BMPR1A: variants seen among roughly 807,000 people sequenced by gnomAD.
The protein encoded by BMPR1A is bone morphogenetic protein receptor type 1A, also known as bone morphogenetic protein receptor type-1A.
Under a neutral mutation model 66.0 loss-of-function variants are expected in BMPR1A, and 7 were observed. The observed-to-expected ratio is 0.11, with a 90% CI of 0.06 to 0.20. BMPR1A has a LOEUF of 0.20. BMPR1A is among the 10% of genes least tolerant of loss of function. The pLI, the probability that BMPR1A is intolerant of heterozygous loss-of-function variation, is 1.00. For synonymous variants in BMPR1A, 200 were observed against 229.7 expected (o/e 0.87, Z 1.17); for missense variants, 408 against 669.1 (o/e 0.61, Z 4.31).
chr10:86,799,469 T>TTCCTTCCTTCCTTCCTTCCTTCCTTC (rs1841775518), intron 1 of BMPR1A, among the ~76,000 whole-genome samples: 16 of 121,000 alleles, frequency 1.3e-4, no homozygotes, highest in African/African-American at 4.7e-4. Context: ...TTCCTTCCTT[T>TTCCTTCCTTCCTTCCTTCCTTCCTTC]CTTCCTTCCT....
intron 2 of BMPR1A, among the ~76,000 whole-genome samples, chr10:86,871,229 A>G (rs758596745): frequency 2.6e-5 from 4 of 152,156 alleles, no homozygotes; most frequent in African/African-American, 4.8e-5. Flanking sequence ...CACTGCCCCT[A>G]TTCCTTCAGG....
In BMPR1A at chr10:86,917,304, A is replaced by G. The variant is rs1843588559; in HGVS notation, c.846A>G (p.Leu282=). 1.2e-6 allele frequency: 2 copies of G among 1,614,152 alleles called. No individual in the cohort carries two copies. Among genetic ancestry groups the G allele is most frequent in the Admixed American group, 3.3e-5 (2 of 60,002 alleles). The change falls in exon 9 of 13, where the codon CTA becomes CTG. Residue 282 remains leucine, a synonymous_variant. Transcript: ENST00000372037. ...FRETEIYQTV[L]MRHENILGFI... ...AAACAGAAATCTACCAAACTGTGCT[A>G]ATGCGCCATGAAAACATACTTGGTG...
intron 1 of BMPR1A, among the ~76,000 whole-genome samples, chr10:86,807,686 A>G (rs1301511276): frequency 6.6e-6 from 1 of 152,136 alleles, no homozygotes; most frequent in African/African-American, 2.4e-5. Flanking sequence ...CCCAGTCCCC[A>G]TCTTTCTTAT....
intron 7 of BMPR1A, among the ~76,000 whole-genome samples, chr10:86,901,655 A>G (rs1240159254): frequency 6.6e-6 from 1 of 152,178 alleles, no homozygotes; most frequent in Non-Finnish European, 1.5e-5. Context: ...AAAACTCTTT[A>G]TTGCTGTTTT....
intron 1 of BMPR1A, among the ~76,000 whole-genome samples, chr10:86,803,497 A>G (rs1240084602): frequency 6.6e-6 from 1 of 152,114 alleles, no homozygotes; most frequent in Non-Finnish European, 1.5e-5. Flanking sequence ...ATAGTTTTAC[A>G]TTTTATATTT....
At chr10:86,784,288 T>C (rs575685944) in intron 1 of BMPR1A, among the ~76,000 whole-genome samples, 1 of 152,240 alleles carries the variant, frequency 6.6e-6, no homozygotes, top group African/African-American at 2.4e-5. Context: ...CCTTCCTAGT[T>C]TGTTGAGTGT....
chr10:86,822,698 G>A (rs552857445), intron 1 of BMPR1A, among the ~76,000 whole-genome samples: 7 of 151,866 alleles, frequency 4.6e-5, no homozygotes, highest in Admixed American at 2.0e-4. Flanking sequence ...GTGCAGTGGC[G>A]CGATCTCGGC....
intron 1 of BMPR1A, among the ~76,000 whole-genome samples, chr10:86,785,152 T>C (rs1300043893): frequency 6.6e-6 from 1 of 152,262 alleles, no homozygotes; most frequent in East Asian, 1.9e-4. Context: ...GCTTTTGATT[T>C]CCCATTGTGG....
intron 1 of BMPR1A, among the ~76,000 whole-genome samples, chr10:86,797,723 T>A (rs753076632): frequency 6.6e-6 from 1 of 152,152 alleles, no homozygotes; most frequent in Non-Finnish European, 1.5e-5. Context: ...CATCGAGGGC[T>A]TTTCTTCTGT....
At chr10:86,761,789 C>G (rs986453074) in intron 1 of BMPR1A, among the ~76,000 whole-genome samples, 7 of 152,210 alleles carry the variant, frequency 4.6e-5, no homozygotes, top group Middle Eastern at 3.4e-3. Context: ...AAGAACAACT[C>G]CTGGATTTCT....
chr10:86,829,141 T>G (rs1047819614), intron 1 of BMPR1A, among the ~76,000 whole-genome samples: 1 of 152,106 alleles, frequency 6.6e-6, no homozygotes, highest in African/African-American at 2.4e-5. Context: ...GTTTTGTTTC[T>G]AGGAAACTAG....
intron 1 of BMPR1A, among the ~76,000 whole-genome samples, chr10:86,796,152 C>T (rs961078450): frequency 3.3e-5 from 5 of 151,802 alleles, no homozygotes; most frequent in Non-Finnish European, 4.4e-5. Context: ...TGTTTTATGT[C>T]GTATTTTTTT....
intron 2 of BMPR1A, among the ~76,000 whole-genome samples, chr10:86,846,708 C>CCA (rs1386749879): frequency 1.3e-5 from 2 of 151,058 alleles, no homozygotes; most frequent in African/African-American, 4.9e-5. Context: ...CCCCCGCCGC[C>CCA]CACACACACA....
At chr10:86,789,322 C>T (rs1430188413) in intron 1 of BMPR1A, among the ~76,000 whole-genome samples, 1 of 152,098 alleles carries the variant, frequency 6.6e-6, no homozygotes, top group Non-Finnish European at 1.5e-5. Flanking sequence ...AACCTGTGTG[C>T]ATAAAAGGAC....
chr10:86,875,445 ATTAT>A (rs1289926181), intron 2 of BMPR1A, among the ~76,000 whole-genome samples: 2 of 152,224 alleles, frequency 1.3e-5, no homozygotes, highest in African/African-American at 4.8e-5. Flanking sequence ...TATAGAATAA[ATTAT>A]TTATTAGAAA....
chr10:86,884,394 A>ATTTTTTTTTTTTTTTT lies in BMPR1A; in HGVS notation c.68-5646_68-5631dup, dbSNP rs759424209. Among the ~76,000 whole-genome samples, 9 of 49,348 alleles carry ATTTTTTTTTTTTTTTT rather than the reference A, an allele frequency of 1.8e-4. 4 individuals carry two copies. Among genetic ancestry groups the ATTTTTTTTTTTTTTTT allele is most frequent in the Non-Finnish European group, 3.6e-4 (8 of 22,330 alleles). The allele number at this position is 49,348 out of a possible 152,430, so 32.4% of individuals were successfully genotyped here. On this transcript the variant is annotated intron_variant, in intron 3 of 12. Transcript: ENST00000372037. ...AGCCACCATGCCTGGCAAACACATGATTTTTTTTTTTTTTTTTTTTTTTTT... is the reference window on the plus strand; with the variant it reads ...AGCCACCATGCCTGGCAAACACATGATTTTTTTTTTTTTTTTTTTTTTTTTTTTTTTTTTTTTTTTT...
intron 3 of BMPR1A, among the ~76,000 whole-genome samples, chr10:86,887,998 T>C (rs934258327): frequency 6.6e-5 from 10 of 152,170 alleles, no homozygotes; most frequent in African/African-American, 2.4e-4. Flanking sequence ...CTTTTACAGT[T>C]GATGTTTCTA....
chr10:86,765,032 G>A (rs1214174603), intron 1 of BMPR1A, among the ~76,000 whole-genome samples: 1 of 151,948 alleles, frequency 6.6e-6, no homozygotes, highest in African/African-American at 2.4e-5. Flanking sequence ...GTAACGTGGT[G>A]AGACCTTGTC....
intron 1 of BMPR1A, among the ~76,000 whole-genome samples, chr10:86,811,237 C>T (rs1045620876): frequency 2.6e-5 from 4 of 152,124 alleles, no homozygotes; most frequent in Non-Finnish European, 5.9e-5. Context: ...CAGAGTTTTG[C>T]CATGTTCCTC....
Sources: allele counts gnomAD v4.1 joint callset (sites outside exome capture counted in the v4.1 genomes callset), GRCh38; gene constraint gnomAD v4.1.1; transcripts MANE v1.5; gene names NCBI Gene and HGNC (gene_info 2026-07-23, HGNC 2026-07-21).